The following CSGALNACT1 variants were observed in gnomAD, a reference collection of about 807,000 sequenced individuals.
The protein encoded by CSGALNACT1 is beta4GalNAcT-1.
In CSGALNACT1, 52 loss-of-function variants were observed where a neutral mutation model predicts 51.0. That is an observed-to-expected ratio of 1.02 (90% CI 0.82 to 1.29). The LOEUF (loss-of-function observed/expected upper bound fraction) is 1.29, where lower values mean the gene tolerates loss of function less well. Ranked by LOEUF, CSGALNACT1 falls within the 50% of genes most tolerant of loss-of-function variation. The pLI is 0.00. For missense variants in CSGALNACT1, 935 were observed against 679.2 expected (o/e 1.38, Z -4.19); for synonymous variants, 341 against 254.4 (o/e 1.34, Z -3.24).
In CSGALNACT1 at chr8:19,420,528, A is replaced by T; in HGVS notation, c.954-10T>A. 6.2e-7 allele frequency: 1 copy of T among 1,613,474 alleles called. No homozygotes were observed. The highest frequency in any genetic ancestry group is 8.5e-7 in the Non-Finnish European group (1 of 1,179,900). ...CCTGAAGTTGGCAGCTCTGAAAGGC[A>T]AGACCAGGTACTGTCACTCACATTC... is the stretch of plus-strand genomic sequence containing the variant. On this transcript the variant is annotated splice_polypyrimidine_tract_variant and intron_variant, in intron 6 of 9. Coordinates refer to ENST00000454498, the Ensembl canonical transcript of CSGALNACT1.
At chr8:19,645,834 C>T (rs573273209) in intron 1 of CSGALNACT1, among the ~76,000 whole-genome samples, 190 of 152,192 alleles carry the variant, frequency 1.2e-3, no homozygotes, top group African/African-American at 3.8e-3. Context: ...CTGGTTCCCC[C>T]AGGGCAGTGC....
chr8:19,630,616 C>T (rs1343077144), intron 1 of CSGALNACT1, among the ~76,000 whole-genome samples: 1 of 152,176 alleles, frequency 6.6e-6, no homozygotes, highest in Non-Finnish European at 1.5e-5. Flanking sequence ...CTAAACATCC[C>T]CTGTTCTTCA....
intron 1 of CSGALNACT1, among the ~76,000 whole-genome samples, chr8:19,691,906 A>T (rs969030674): frequency 1.3e-5 from 2 of 152,190 alleles, no homozygotes. Context: ...ACACTGCTAC[A>T]AAGAACTGCC....
chr8:19,715,529 T>G (rs760266933), intron 1 of CSGALNACT1, among the ~76,000 whole-genome samples: 12 of 152,252 alleles, frequency 7.9e-5, no homozygotes, highest in Non-Finnish European at 1.5e-4. Flanking sequence ...CAGTCTACTG[T>G]TGATGGTCAT....
intron 1 of CSGALNACT1, among the ~76,000 whole-genome samples, chr8:19,754,819 C>A (rs1366276931): frequency 6.6e-6 from 1 of 152,136 alleles, no homozygotes; most frequent in Non-Finnish European, 1.5e-5. Context: ...GAAGAGGTCC[C>A]CTAGTGGCGA....
At chr8:19,472,310 CA>C (rs2068380436) in intron 4 of CSGALNACT1, among the ~76,000 whole-genome samples, 1 of 152,126 alleles carries the variant, frequency 6.6e-6, no homozygotes, top group Non-Finnish European at 1.5e-5. Context: ...CAGGCAGAAG[CA>C]ATAAGCAGGA....
chr8:19,543,392 G>A (rs551037205), intron 3 of CSGALNACT1, among the ~76,000 whole-genome samples: 1 of 152,156 alleles, frequency 6.6e-6, no homozygotes, highest in Non-Finnish European at 1.5e-5. Flanking sequence ...TCTGGGAACG[G>A]GGCTTGTAAA....
chr8:19,685,269 G>C (rs541148949), upstream of CSGALNACT1, among the ~76,000 whole-genome samples: 1 of 152,236 alleles, frequency 6.6e-6, no homozygotes, highest in Non-Finnish European at 1.5e-5. Context: ...CCAGCAATGA[G>C]CACATAAGGC....
At chr8:19,620,865 C>A (rs547722663) in intron 1 of CSGALNACT1, among the ~76,000 whole-genome samples, 3 of 152,136 alleles carry the variant, frequency 2.0e-5, no homozygotes, top group Non-Finnish European at 4.4e-5. Flanking sequence ...CTTCTCAAGT[C>A]CAACCAGGAG....
chr8:19,632,012 T>G (rs1386837873), intron 1 of CSGALNACT1, among the ~76,000 whole-genome samples: 1 of 152,224 alleles, frequency 6.6e-6, no homozygotes, highest in Non-Finnish European at 1.5e-5. Flanking sequence ...ATGGCCTGAA[T>G]TTTCAAATAG....
chr8:19,529,610 A>G (rs2082345430), intron 3 of CSGALNACT1, among the ~76,000 whole-genome samples: 1 of 152,226 alleles, frequency 6.6e-6, no homozygotes, highest in Admixed American at 6.5e-5. Flanking sequence ...CAGTGAATGA[A>G]AAAGTGGTAA....
At chr8:19,603,425 G>A (rs1008894879), upstream of CSGALNACT1, among the ~76,000 whole-genome samples, 4 of 152,176 alleles carry the variant, frequency 2.6e-5, no homozygotes, top group South Asian at 2.1e-4. Context: ...GCCCCAACTC[G>A]GTCCTCTACT....
chr8:19,493,041 C>T lies in CSGALNACT1; in HGVS notation c.634+12160G>A, dbSNP rs1275279735. On this transcript the variant is annotated intron_variant, in intron 4 of 9. Transcript: ENST00000454498. Reference sequence around the variant, plus strand: ...CGACATCAATAAATTCGATAGCTGCCTAAAATTCTTTTTTTGAAAAAAAAA... The same window carrying T: ...CGACATCAATAAATTCGATAGCTGCTTAAAATTCTTTTTTTGAAAAAAAAA... Among the ~76,000 whole-genome samples the T allele has an allele frequency of 4.0e-5, 5 of 125,162 alleles. No homozygotes were observed. The South Asian group carries it at 1.4e-3, about 35-fold the overall frequency. The allele number at this position is 125,162 out of a possible 152,430, so 82.1% of individuals were successfully genotyped here.
chr8:19,463,576 A>C (rs2066018996), intron 4 of CSGALNACT1, among the ~76,000 whole-genome samples: 1 of 152,262 alleles, frequency 6.6e-6, no homozygotes. Flanking sequence ...GTAAGCTGAC[A>C]CATGCAAATG....
At chr8:19,667,014 AGAAAGGAAGGAAGGAAGGAAGGAAGG>A in intron 1 of CSGALNACT1, among the ~76,000 whole-genome samples, 1 of 37,646 alleles carries the variant, frequency 2.7e-5, no homozygotes, top group East Asian at 7.1e-4. Context: ...AAAGAAAGAA[AGAAAGGAAGGAAGGAAGGAAGGAAGG>A]AAGAAAGAAA....
chr8:19,629,759 T>A (rs902826780), intron 1 of CSGALNACT1, among the ~76,000 whole-genome samples: 2 of 152,188 alleles, frequency 1.3e-5, no homozygotes, highest in Admixed American at 1.3e-4. Context: ...CTCATCTCAA[T>A]CAAGCCCTTC....
In CSGALNACT1 at chr8:19,701,188, C is replaced by A. The variant is rs1458278950; in HGVS notation, c.-297+56662G>T. Among the ~76,000 whole-genome samples, 6 of 109,198 alleles carry A rather than the reference C, an allele frequency of 5.5e-5. No individual in the cohort carries two copies. The South Asian group carries it at 9.9e-4, about 18-fold the overall frequency. The allele number at this position is 109,198 out of a possible 152,430, so 71.6% of individuals were successfully genotyped here. A position where few individuals can be genotyped will look rare whatever the true frequency, so the allele number is the denominator to read the frequency against. On this transcript the variant is annotated intron_variant, in intron 1 of 1. Coordinates refer to the CSGALNACT1 transcript ENST00000517494. ...TTTTTTTTTTTGATACAGAGTCTCA[C>A]TCTGTTGCCCAGGCTGGAGTGCAGT...
intron 1 of CSGALNACT1, among the ~76,000 whole-genome samples, chr8:19,617,704 A>G (rs779164778): frequency 2.0e-5 from 3 of 152,192 alleles, no homozygotes; most frequent in Non-Finnish European, 4.4e-5. Flanking sequence ...GTAGCTTCCC[A>G]AAGTATTTTC....
At chr8:19,599,453 GAAAAGAAAGAAAGAAAGA>G (rs1403858000) in intron 2 of CSGALNACT1, among the ~76,000 whole-genome samples, 1 of 68,210 alleles carries the variant, frequency 1.5e-5, no homozygotes, top group Non-Finnish European at 2.8e-5. Flanking sequence ...AAAAGAAAAA[GAAAAGAAAGAAAGAAAGA>G]AAAAGAAAGA....
Sources: allele counts gnomAD v4.1 joint callset (sites outside exome capture counted in the v4.1 genomes callset), GRCh38; gene constraint gnomAD v4.1.1; transcripts MANE v1.5; gene names NCBI Gene and HGNC (gene_info 2026-07-23, HGNC 2026-07-21).